Variants in KLHL35 observed in about 807,000 individuals in gnomAD.
KLHL35 encodes the protein kelch-like protein 35.
Under a neutral mutation model 44.0 loss-of-function variants are expected in KLHL35, and 50 were observed. The observed-to-expected ratio is 1.14, with a 90% CI of 0.91 to 1.44. KLHL35 has a LOEUF of 1.44. Ranked by LOEUF, KLHL35 falls within the 40% of genes most tolerant of loss-of-function variation. The pLI, the probability that KLHL35 is intolerant of heterozygous loss-of-function variation, is 0.00. For missense variants in KLHL35, 1,049 were observed against 887.8 expected (o/e 1.18, Z -2.31); for synonymous variants, 470 against 410.4 (o/e 1.15, Z -1.76).
intron 5 of KLHL35, chr11:75,424,789 C>T (rs977243713): frequency 6.6e-6 from 1 of 152,220 alleles, no homozygotes; most frequent in Non-Finnish European, 1.5e-5. Context: ...TGCAAAAAGC[C>T]TAAATGTCCC....
rs1474004321 is a variant in KLHL35, at chr11:75,430,615, A to T, written c.15T>A (p.His5Gln). The T allele has an allele frequency of 7.2e-7, 1 of 1,397,858 alleles. No individual in the cohort carries two copies. 86.6% of individuals were successfully genotyped at this position (1,397,858 alleles called of 1,614,324 possible). The change falls in exon 2 of 7, where the codon CAT (histidine) becomes CAA (glutamine). Residue 5 changes from histidine to glutamine, a missense_variant. Physicochemically the swap from His to Gln is conservative, Grantham distance 24. Transcript: ENST00000539798. MRQG[H>Q]APEESEPGCE... is the part of the protein sequence containing the mutation. ...AGCCCGGCTCCGACTCCTCCGGCGC[A>T]TGGCCTTGCCGCATCCTGCCGGGGA...
At position 75,422,518 on chromosome 11, in the gene KLHL35, A is replaced by T. The variant is rs1301827884; in HGVS notation, c.*62T>A. 4 of 1,491,754 alleles carry T rather than the reference A, an allele frequency of 2.7e-6. No homozygotes were observed. The African/African-American group carries it at 4.1e-5, about 15-fold the overall frequency. 92.4% of individuals were successfully genotyped at this position (1,491,754 alleles called of 1,614,324 possible). On this transcript the variant is annotated 3_prime_UTR_variant, in exon 7 of 7. Coordinates refer to ENST00000539798, the MANE Select transcript of KLHL35 (RefSeq NM_001039548.3). ...TTGCGTGGAGGTGCCATGAGGGAGC[A>T]GAGTGTGCATCTGAGCTCCGCCTGC...
chr11:75,426,518 A>T lies in KLHL35; in HGVS notation c.1185+2T>A. ...AGGGCAGCCGCTGCAGCTCGTGCCT[A>T]CCTGCCCCTGCACAACTGCCATCTT... On this transcript the variant is annotated splice_donor_variant, in intron 4 of 6. Coordinates refer to ENST00000539798, the MANE Select transcript of KLHL35 (RefSeq NM_001039548.3). LOFTEE classifies it high-confidence loss of function. 1 of 1,580,850 alleles carries T rather than the reference A, an allele frequency of 6.3e-7. No homozygotes were observed. Among genetic ancestry groups the T allele is most frequent in the Non-Finnish European group, 8.6e-7 (1 of 1,162,552 alleles).
At chr11:75,424,012 A>G (rs1948471656) in intron 5 of KLHL35, 132 bp from the exon 6 acceptor site, 4 of 689,864 alleles carry the variant, frequency 5.8e-6, no homozygotes. Context: ...ACCAGGCCTG[A>G]GCCAGCATCT....
chr11:75,429,948 C>A lies in KLHL35; in HGVS notation c.682G>T (p.Ala228Ser), dbSNP rs1592039887. 1 of 1,452,270 alleles carries A rather than the reference C, an allele frequency of 6.9e-7. No individual in the cohort carries two copies. The allele number at this position is 1,452,270 out of a possible 1,614,324, so 90.0% of individuals were successfully genotyped here. The change falls in exon 2 of 7, where the codon GCG becomes TCG. Residue 228 changes from alanine to serine, a missense_variant. Ala to Ser is a moderately conservative substitution (Grantham distance 99, BLOSUM62 1). Transcript: ENST00000539798. ...EAAMRWVRHD[A>S]PARRGQLRRL... ...CGCAGCTGGCCGCGGCGGGCCGGCG[C>A]GTCGTGGCGCACCCAGCGCATGGCC...
chr11:75,422,432 G>C lies in KLHL35; in HGVS notation c.*148C>G. Reference sequence around the variant, plus strand: ...CTCCAGGCAGGGCAGACTGCAGCTGGAACACAGACCCAACAAGATTTTATT... The same window carrying C: ...CTCCAGGCAGGGCAGACTGCAGCTGCAACACAGACCCAACAAGATTTTATT... On this transcript the variant is annotated 3_prime_UTR_variant, in exon 7 of 7. Coordinates refer to ENST00000539798, the MANE Select transcript of KLHL35 (RefSeq NM_001039548.3). The C allele has an allele frequency of 1.4e-6, 1 of 704,920 alleles. No homozygotes were observed. The allele number at this position is 704,920 out of a possible 1,614,324, so 43.7% of individuals were successfully genotyped here. A position where few individuals can be genotyped will look rare whatever the true frequency, so the allele number is the denominator to read the frequency against.
In KLHL35 at chr11:75,430,585, T is replaced by TCGCACGGACCCGCGCACGGCGCC. The variant is rs750116924; in HGVS notation, c.44_45insGGCGCCGTGCGCGGGTCCGTGCG (p.His23GlufsTer17). 4,361 of 1,434,206 alleles carry TCGCACGGACCCGCGCACGGCGCC rather than the reference T, an allele frequency of 3.0e-3. 20 individuals are homozygous for TCGCACGGACCCGCGCACGGCGCC. The highest frequency in any genetic ancestry group is 3.2e-3 in the Non-Finnish European group (3,508 of 1,098,336). The allele number at this position is 1,434,206 out of a possible 1,614,324, so 88.8% of individuals were successfully genotyped here. On this transcript the variant is annotated frameshift_variant, in exon 2 of 7. Coordinates refer to ENST00000539798, the MANE Select transcript of KLHL35 (RefSeq NM_001039548.3). LOFTEE classifies it high-confidence loss of function. The stretch of plus-strand genomic sequence containing the variant: ...CGTGGCACGGACCCGCGCACGGCGC[T>TCGCACGGACCCGCGCACGGCGCC]TCGCAGCCCGGCTCCGACTCCTCCG...
Position 75,430,590 on chromosome 11 carries a change from A to AC in KLHL35, c.39_40insG (p.Cys14ValfsTer184). 1 of 1,431,798 alleles carries AC rather than the reference A, an allele frequency of 7.0e-7. No individual in the cohort carries two copies. The highest frequency in any genetic ancestry group is 9.1e-7 in the Non-Finnish European group (1 of 1,096,992). The allele number at this position is 1,431,798 out of a possible 1,614,324, so 88.7% of individuals were successfully genotyped here. ...CACGGACCCGCGCACGGCGCTTCGC[A>AC]GCCCGGCTCCGACTCCTCCGGCGCA... is the stretch of plus-strand genomic sequence containing the variant. On this transcript the variant is annotated frameshift_variant, in exon 2 of 7. Transcript: ENST00000539798. LOFTEE classifies it high-confidence loss of function.
chr11:75,425,677 A>C (rs1297753983), intron 4 of KLHL35, 96 bp from the exon 5 acceptor site: 3 of 1,144,226 alleles, frequency 2.6e-6, no homozygotes, highest in African/African-American at 3.3e-5. Flanking sequence ...GCTGGAAACT[A>C]TCCCTGTCCC....
At chr11:75,423,525 G>A (rs1162041099) in intron 6 of KLHL35, 167 bp downstream of exon 6, 4 of 653,610 alleles carry the variant, frequency 6.1e-6, no homozygotes, top group Admixed American at 2.8e-5. Context: ...ACCTCTCTAA[G>A]GCCAGTCTCC....
rs971153452 is a variant in KLHL35, at chr11:75,426,594, G to C, written c.1111C>G (p.Leu371Val). 36 of 1,606,570 alleles carry C rather than the reference G, an allele frequency of 2.2e-5. No homozygotes were observed. Among genetic ancestry groups the C allele is most frequent in the Non-Finnish European group, 2.7e-5 (32 of 1,177,368 alleles). ...GAGGCTACCTTGATCCAGGTGTGCAGATGGGAGCTAAACATCCACACATCA... is the reference window on the plus strand; with the variant it reads ...GAGGCTACCTTGATCCAGGTGTGCACATGGGAGCTAAACATCCACACATCA... ...SHDVWMFSSH[L>V]HTWIKVASLH... The change falls in exon 4 of 7, where the codon CTG (leucine) becomes GTG (valine). Residue 371 changes from leucine (L) to valine (V), a missense_variant. Leu to Val is a conservative substitution (Grantham distance 32). Transcript: ENST00000539798.
rs1232798434 is a variant in KLHL35 at position 75,430,605 on chromosome 11, C to T, written c.25G>A (p.Glu9Lys). 2 of 1,409,274 alleles carry T rather than the reference C, an allele frequency of 1.4e-6. No homozygotes were observed. Among genetic ancestry groups the T allele is most frequent in the Admixed American group, 3.1e-5 (1 of 32,648 alleles). 87.3% of individuals were successfully genotyped at this position (1,409,274 alleles called of 1,614,324 possible). The change falls in exon 2 of 7, where the codon GAG becomes AAG. Residue 9 changes from glutamate to lysine, a missense_variant. Coordinates refer to ENST00000539798, the MANE Select transcript of KLHL35 (RefSeq NM_001039548.3). The stretch of plus-strand genomic sequence containing the variant: ...GGCGCTTCGCAGCCCGGCTCCGACT[C>T]CTCCGGCGCATGGCCTTGCCGCATC... MRQGHAPE[E>K]SEPGCEAPCA...
intron 5 of KLHL35, 29 bp downstream of exon 5, chr11:75,425,364 G>A (rs1406483082): frequency 6.6e-7 from 1 of 1,508,626 alleles, no homozygotes. Context: ...AGCCTTCAAC[G>A]CCCTCTCGCG....
At position 75,428,384 on chromosome 11, in the gene KLHL35, G is replaced by C. The variant is rs543422454; in HGVS notation, c.1066+58C>G. On this transcript the variant is annotated intron_variant, in intron 3 of 6. Transcript: ENST00000539798. ...GATTGGAGGGAAAAGCAAAGGGGGT[G>C]GAGTGCGGAGGCTACTAGTCAATCC... The C allele has an allele frequency of 3.2e-6, 5 of 1,574,928 alleles. No individual in the cohort carries two copies. The East Asian group carries it at 6.8e-5, about 21-fold the overall frequency.
intron 2 of KLHL35, 140 bp from the exon 3 acceptor site, chr11:75,428,766 A>G (rs888508208): frequency 1.4e-6 from 1 of 700,076 alleles, no homozygotes; most frequent in Non-Finnish European, 2.2e-6. Context: ...CCCCGGCCTC[A>G]ATCCCGCTAG....
chr11:75,429,798 A>C lies in KLHL35; in HGVS notation c.832T>G (p.Cys278Gly). The change falls in exon 2 of 7, where the codon TGC becomes GGC. Residue 278 changes from cysteine to glycine, a missense_variant. Transcript: ENST00000539798. ...CRPLLLEARA[C>G]FILGREAGAL... ...CCGGCCTCGCGGCCCAGGATGAAGC[A>C]GGCGCGAGCCTCGAGCAGCAGCGGG... 1 of 1,512,138 alleles carries C rather than the reference A, an allele frequency of 6.6e-7. No homozygotes were observed. Among genetic ancestry groups the C allele is most frequent in the Non-Finnish European group, 8.8e-7 (1 of 1,137,048 alleles). The allele number at this position is 1,512,138 out of a possible 1,614,324, so 93.7% of individuals were successfully genotyped here. A position where few individuals can be genotyped will look rare whatever the true frequency, so the allele number is the denominator to read the frequency against.
Position 75,430,111 on chromosome 11 carries a change from G to A in KLHL35, c.519C>T (p.Arg173=). 1.6e-6 allele frequency: 2 copies of A among 1,287,178 alleles called. No homozygotes were observed. The highest frequency in any genetic ancestry group is 2.0e-6 in the Non-Finnish European group (2 of 1,021,554). The allele number at this position is 1,287,178 out of a possible 1,614,324, so 79.7% of individuals were successfully genotyped here. Residue 173 remains arginine (R), a synonymous_variant, in exon 2 of 7, where the codon CGC becomes CGT. Transcript: ENST00000539798. ...AGGCCTGACGCAGGACGCGGCCGCA[G>A]CGCTCGGCCAGCGGGGCCAGCGAGA... The part of the protein sequence containing the change: ...AAFSLAPLAE[R]CGRVLRQAFA...
At chr11:75,426,483 C>G (rs1948493310) in intron 4 of KLHL35, 37 bp downstream of exon 4, 3 of 1,427,744 alleles carry the variant, frequency 2.1e-6, no homozygotes, top group Non-Finnish European at 2.9e-6. Flanking sequence ...AGATCTGTAC[C>G]TTGTGTCCCA....
Position 75,430,387 on chromosome 11 carries a change from C to A in KLHL35, c.243G>T (p.Val81=). The change falls in exon 2 of 7, where the codon GTG becomes GTT. Residue 81 remains valine (V), a synonymous_variant. Transcript: ENST00000539798. ...CGGGAGCTACTGGCACCACTGGCAC[C>A]ACGGCCGGGCCGCGCTCGGGCCGCC... is the stretch of plus-strand genomic sequence containing the variant. ...AAGRPERGPA[V]VPVVPVAPEA... 7.3e-7 allele frequency: 1 copy of A among 1,363,666 alleles called. No individual in the cohort carries two copies. Among genetic ancestry groups the A allele is most frequent in the South Asian group, 1.6e-5 (1 of 64,078 alleles). 84.5% of individuals were successfully genotyped at this position (1,363,666 alleles called of 1,614,324 possible).
Sources: allele counts gnomAD v4.1 joint callset, GRCh38; gene constraint gnomAD v4.1.1; transcripts MANE v1.5; gene names NCBI Gene and HGNC (gene_info 2026-07-23, HGNC 2026-07-21).